Variants in AUTS2 observed in about 807,000 individuals in gnomAD.
The protein encoded by AUTS2 is autism susceptibility gene 2 protein.
Under a neutral mutation model 112.4 loss-of-function variants are expected in AUTS2, and 17 were observed. The observed-to-expected ratio is 0.15, with a 90% CI of 0.10 to 0.23. The LOEUF is 0.23. Ranked by LOEUF, AUTS2 falls within the 10% of genes least tolerant of loss-of-function variation. The pLI, the probability that AUTS2 is intolerant of heterozygous loss-of-function variation, is 1.00. For synonymous variants in AUTS2, 751 were observed against 702.7 expected (o/e 1.07, Z -1.09); for missense variants, 1,510 against 1,701.6 (o/e 0.89, Z 1.98).
intron 2 of AUTS2, among the ~76,000 whole-genome samples, chr7:70,070,240 A>G (rs1282953202): frequency 1.3e-5 from 2 of 151,924 alleles, no homozygotes; most frequent in Non-Finnish European, 2.9e-5. Context: ...GGGATATTAG[A>G]TGTGTTCTGA....
rs763898324 is a variant in AUTS2, at chr7:69,599,853, C to T, written c.200C>T (p.Pro67Leu). 3 of 1,612,872 alleles carry T rather than the reference C, an allele frequency of 1.9e-6. No homozygotes were observed. Among genetic ancestry groups the T allele is most frequent in the African/African-American group, 1.3e-5 (1 of 75,024 alleles). ...EDNGKPPSSA[P>L]SRPRPPRRKR... ...AATGGGAAGCCCCCGTCCTCCGCCC[C>T]GTCCCGGCCCAGACCCCCGCGGAGG... Residue 67 changes from proline (P) to leucine (L), a missense_variant, in exon 1 of 19, where the codon CCG becomes CTG. By Grantham distance (98) the Pro-to-Leu change is moderately conservative (BLOSUM62 -3). This residue lies in a region of AUTS2 where 535 missense variants were observed against 594.3 expected (regional missense o/e 0.90). Transcript: ENST00000342771. The surrounding 1 kb of genome is among the most constrained non-coding windows in gnomAD (Gnocchi z 7.0).
At chr7:70,486,280 G>A (rs1021860139) in intron 5 of AUTS2, among the ~76,000 whole-genome samples, 5 of 152,138 alleles carry the variant, frequency 3.3e-5, no homozygotes, top group African/African-American at 4.8e-5. Context: ...CTTGTCTCTC[G>A]CTGTACCCTT....
chr7:70,009,362 A>G (rs964895870), intron 2 of AUTS2, among the ~76,000 whole-genome samples: 2 of 152,222 alleles, frequency 1.3e-5, no homozygotes, highest in Admixed American at 6.5e-5. Context: ...CTTTGGGGAC[A>G]TGGTTAAACC....
chr7:70,534,693 TG>T (rs1563023203), intron 5 of AUTS2, among the ~76,000 whole-genome samples: 1 of 152,202 alleles, frequency 6.6e-6, no homozygotes, highest in Non-Finnish European at 1.5e-5. Context: ...CCCAAAGTGC[TG>T]GGATTACAGG....
At chr7:70,243,857 A>G (rs1473206164) in intron 4 of AUTS2, among the ~76,000 whole-genome samples, 1 of 152,096 alleles carries the variant, frequency 6.6e-6, no homozygotes, top group Non-Finnish European at 1.5e-5. Context: ...AAATAGAATC[A>G]TTAGACTGGG....
Position 70,790,931 on chromosome 7 carries a change from C to T in AUTS2, c.3715C>T (p.Pro1239Ser). The T allele has an allele frequency of 1.3e-6, 2 of 1,552,370 alleles. No homozygotes were observed. Among genetic ancestry groups the T allele is most frequent in the East Asian group, 2.3e-5 (1 of 44,338 alleles). ...CCCGGTCTCTCCCAGAAGGACGACT[C>T]CTCTGTCCGCAGAGATAAGGGAGAG... ...GRPVSPRRTT[P>S]LSAEIRERPP... The change falls in exon 19 of 19, where the codon CCT becomes TCT. Residue 1239 changes from proline (P) to serine (S), a missense_variant. By Grantham distance (74) the Pro-to-Ser change is moderately conservative. Transcript: ENST00000342771. This position sits in a 1 kb window ranked among gnomAD's most constrained non-coding sequence, Gnocchi z 7.6.
chr7:70,444,172 A>C (rs559300604), intron 5 of AUTS2, among the ~76,000 whole-genome samples: 8 of 152,208 alleles, frequency 5.3e-5, no homozygotes, highest in African/African-American at 1.9e-4. Context: ...CAGGAGGGTC[A>C]TGAGCAGAGG....
At chr7:70,653,571 C>T (rs183568875) in intron 5 of AUTS2, among the ~76,000 whole-genome samples, 12 of 152,304 alleles carry the variant, frequency 7.9e-5, no homozygotes, top group African/African-American at 2.9e-4. Context: ...GCCATTATGT[C>T]CTGTCCTTTT....
chr7:69,847,564 C>T (rs1019132067), intron 1 of AUTS2, among the ~76,000 whole-genome samples: 1 of 152,166 alleles, frequency 6.6e-6, no homozygotes, highest in Non-Finnish European at 1.5e-5. Context: ...GTCCTGCTTC[C>T]CTGACCTACA....
At chr7:70,379,778 A>G (rs933154274) in intron 4 of AUTS2, among the ~76,000 whole-genome samples, 4 of 152,220 alleles carry the variant, frequency 2.6e-5, no homozygotes, top group African/African-American at 9.6e-5. Context: ...GACTTGGTCT[A>G]TTATGACATT....
rs73444348 is a variant in AUTS2, at chr7:70,168,295, C to T, written c.660+33724C>T. On this transcript the variant is annotated intron_variant, in intron 4 of 18. Transcript: ENST00000342771. The stretch of plus-strand genomic sequence containing the variant: ...TCTCTGAGCAAGATGCCTTTCCTCA[C>T]GGTGGTTTCTAAACTCTCCCAATAT... 5.0e-3 allele frequency among the ~76,000 whole-genome samples: 759 copies of T among 152,222 alleles called. 8 individuals are homozygous for T. Among genetic ancestry groups the T allele is most frequent in the African/African-American group, 0.017 (714 of 41,528 alleles).
intron 5 of AUTS2, among the ~76,000 whole-genome samples, chr7:70,602,677 T>C (rs1445577724): frequency 2.0e-5 from 3 of 152,222 alleles, no homozygotes; most frequent in African/African-American, 7.2e-5. Context: ...GGAGCCCCTC[T>C]GTAACAGGCT....
intron 5 of AUTS2, among the ~76,000 whole-genome samples, chr7:70,526,017 C>G (rs1190993183): frequency 6.6e-6 from 1 of 152,188 alleles, no homozygotes; most frequent in African/African-American, 2.4e-5. Flanking sequence ...TCACCATGCA[C>G]CCCAAGACAG....
intron 2 of AUTS2, among the ~76,000 whole-genome samples, chr7:69,935,083 C>T (rs959026337): frequency 3.3e-5 from 5 of 152,092 alleles, no homozygotes; most frequent in Admixed American, 3.3e-4. Flanking sequence ...AGGGTCCCTG[C>T]CCCATATAAG....
chr7:70,048,833 C>G (rs1801618685), intron 2 of AUTS2, among the ~76,000 whole-genome samples: 2 of 152,280 alleles, frequency 1.3e-5, no homozygotes, highest in South Asian at 4.2e-4. Context: ...TTAAAATATC[C>G]ATAGTCTGAC....
chr7:69,840,622 A>G (rs1435298021), intron 1 of AUTS2, among the ~76,000 whole-genome samples: 2 of 152,208 alleles, frequency 1.3e-5, no homozygotes, highest in Non-Finnish European at 2.9e-5. Context: ...AACTGAGTGT[A>G]AAACACTGAA....
intron 5 of AUTS2, among the ~76,000 whole-genome samples, chr7:70,539,954 G>A (rs780009289): frequency 1.3e-5 from 2 of 152,162 alleles, no homozygotes; most frequent in African/African-American, 2.4e-5. Context: ...GAGGAAGCCC[G>A]GTTTCCACTC....
chr7:70,193,592 T>G (rs561363445), intron 4 of AUTS2, among the ~76,000 whole-genome samples: 1 of 152,316 alleles, frequency 6.6e-6, no homozygotes, highest in East Asian at 1.9e-4. Flanking sequence ...TTTCAGCGCC[T>G]AAATGAAGAG....
intron 2 of AUTS2, among the ~76,000 whole-genome samples, chr7:70,098,501 C>T (rs1804314244): frequency 6.6e-6 from 1 of 152,048 alleles, no homozygotes; most frequent in African/African-American, 2.4e-5. Flanking sequence ...TTTATTACAG[C>T]AGAGCCATGC....
Sources: allele counts gnomAD v4.1 joint callset (sites outside exome capture counted in the v4.1 genomes callset), GRCh38; gene constraint gnomAD v4.1.1; regional missense constraint gnomAD v4.1.1; non-coding constraint Gnocchi (gnomAD v3.1); transcripts MANE v1.5; gene names NCBI Gene and HGNC (gene_info 2026-07-23, HGNC 2026-07-21).